The following ADAM18 variants were observed in gnomAD, a reference collection of about 807,000 sequenced individuals.
ADAM18 encodes the protein disintegrin and metalloproteinase domain-containing protein 18.
ADAM18 carries 117 observed loss-of-function variants against 94.4 expected under a neutral mutation model. The observed-to-expected ratio is 1.24, with a 90% CI of 1.07 to 1.45. ADAM18 has a LOEUF of 1.45. Among genes scored for constraint, ADAM18 ranks in the 40% most tolerant of loss-of-function variants. ADAM18 has a pLI of 0.00. For synonymous variants in ADAM18, 327 were observed against 291.6 expected, an observed-to-expected ratio of 1.12 and a Z score of -1.24; for missense variants, 936 against 880.0, an observed-to-expected ratio of 1.06 and a Z score of -0.81.
rs1210485577 is a variant in ADAM18 at position 39,663,814 on chromosome 8, G to C, written c.1250G>C (p.Cys417Ser). The change falls in exon 13 of 20, where the codon TGC becomes TCC. Residue 417 changes from cysteine to serine, a missense_variant. Transcript: ENST00000265707. ...TTTTAGGAATGTCAATTTAAGAAGT[G>C]CTGTGATTATAACACATGTAAACTG... ...GNKNECQFKK[C>S]CDYNTCKLKG... 1 of 1,611,908 alleles carries C rather than the reference G, an allele frequency of 6.2e-7. No individual in the cohort carries two copies.
rs71237188 is a variant in ADAM18 at position 39,701,117 on chromosome 8, C to CAAAAAAAAA, written c.1903-5649_1903-5641dup. Among the ~76,000 whole-genome samples the CAAAAAAAAA allele has an allele frequency of 1.3e-3, 46 of 34,562 alleles. 5 individuals carry two copies. Among genetic ancestry groups the CAAAAAAAAA allele is most frequent in the Admixed American group, 4.1e-3 (7 of 1,728 alleles). 22.7% of individuals were successfully genotyped at this position (34,562 alleles called of 152,430 possible). ...TGGGCGACAGAGCAAGACTCTGTCTCAAAAAAAAAAAAAAAAAAAAAAAAA... is the reference window on the plus strand; with the variant it reads ...TGGGCGACAGAGCAAGACTCTGTCTCAAAAAAAAAAAAAAAAAAAAAAAAAAAAAAAAAA... On this transcript the variant is annotated intron_variant, in intron 17 of 19. Transcript: ENST00000265707.
In ADAM18 at chr8:39,648,533, T is replaced by G. The variant is rs774406737; in HGVS notation, c.1230+6T>G. ...GTGACTGTGGTAATAAAAATGTGAGTAACAAAGATTGAAACTCGAGCACAA... is the reference window on the plus strand; with the variant it reads ...GTGACTGTGGTAATAAAAATGTGAGGAACAAAGATTGAAACTCGAGCACAA... On this transcript the variant is annotated splice_donor_region_variant and intron_variant, in intron 12 of 19. Transcript: ENST00000265707. 1 of 1,586,638 alleles carries G rather than the reference T, an allele frequency of 6.3e-7. No homozygotes were observed. Among genetic ancestry groups the G allele is most frequent in the Non-Finnish European group, 8.6e-7 (1 of 1,167,426 alleles).
intron 14 of ADAM18, among the ~76,000 whole-genome samples, chr8:39,673,363 C>A (rs1821208306): frequency 6.6e-6 from 1 of 152,110 alleles, no homozygotes; most frequent in African/African-American, 2.4e-5. Flanking sequence ...TACATGTGCA[C>A]AACGTGCAGG....
chr8:39,677,776 A>G (rs1033406850), intron 15 of ADAM18, among the ~76,000 whole-genome samples: 3 of 152,190 alleles, frequency 2.0e-5, no homozygotes, highest in African/African-American at 7.2e-5. Flanking sequence ...ATGGACACAC[A>G]CTGCCAGAAA....
chr8:39,628,709 T>C (rs951402926), intron 6 of ADAM18, among the ~76,000 whole-genome samples: 2 of 152,050 alleles, frequency 1.3e-5, no homozygotes, highest in African/African-American at 4.8e-5. Context: ...TTCAGCTTGT[T>C]AGAAATAAAG....
At chr8:39,639,359 G>A (rs1820173522) in intron 10 of ADAM18, among the ~76,000 whole-genome samples, 4 of 151,894 alleles carry the variant, frequency 2.6e-5, no homozygotes. Context: ...AACACAGTGT[G>A]TATTCTTCCC....
chr8:39,691,333 C>T (rs776981086), intron 16 of ADAM18, among the ~76,000 whole-genome samples: 11 of 151,982 alleles, frequency 7.2e-5, no homozygotes, highest in East Asian at 1.9e-4. Context: ...CCCATGTTAG[C>T]GAGAATGCAG....
chr8:39,673,800 C>T (rs1458899072), intron 14 of ADAM18, among the ~76,000 whole-genome samples: 1 of 152,178 alleles, frequency 6.6e-6, no homozygotes, highest in African/African-American at 2.4e-5. Context: ...TTAAATGTAT[C>T]CCAGAAATTC....
At chr8:39,676,651 C>T (rs1563302443) in intron 14 of ADAM18, among the ~76,000 whole-genome samples, 2 of 152,224 alleles carry the variant, frequency 1.3e-5, no homozygotes, top group Non-Finnish European at 2.9e-5. Context: ...ATGGGCTGTA[C>T]CCACTGTCCA....
intron 6 of ADAM18, among the ~76,000 whole-genome samples, chr8:39,623,109 T>A (rs1398857803): frequency 6.6e-6 from 1 of 152,184 alleles, no homozygotes; most frequent in Non-Finnish European, 1.5e-5. Context: ...TGAGAACATA[T>A]AGTATCTGTT....
intron 2 of ADAM18, among the ~76,000 whole-genome samples, chr8:39,594,560 T>A (rs775831926): frequency 2.4e-4 from 37 of 152,062 alleles, no homozygotes; most frequent in Non-Finnish European, 4.4e-4. Flanking sequence ...ATCTCTTCAT[T>A]TATGAAGGAT....
intron 11 of ADAM18, among the ~76,000 whole-genome samples, chr8:39,647,320 C>T (rs180932741): frequency 6.6e-5 from 10 of 151,938 alleles, no homozygotes; most frequent in Admixed American, 2.0e-4. Context: ...TGCACGTAGG[C>T]CAGATTTATG....
intron 10 of ADAM18, among the ~76,000 whole-genome samples, chr8:39,641,948 C>A (rs925372006): frequency 1.3e-5 from 2 of 152,102 alleles, no homozygotes; most frequent in African/African-American, 4.8e-5. Flanking sequence ...TTAGTAATAG[C>A]CACTCTTACT....
intron 6 of ADAM18, chr8:39,611,374 G>A (rs980374770): frequency 1.1e-6 from 1 of 924,484 alleles, no homozygotes; most frequent in Non-Finnish European, 1.3e-6. Context: ...GCACTTCTTG[G>A]GTCTGTAAAT....
chr8:39,615,712 A>G (rs1260171949), intron 6 of ADAM18, among the ~76,000 whole-genome samples: 1 of 152,152 alleles, frequency 6.6e-6, no homozygotes, highest in Non-Finnish European at 1.5e-5. Flanking sequence ...ACCTCACCAG[A>G]GCAATCACGT....
rs1355228827 is a variant in ADAM18 at position 39,609,042 on chromosome 8, A to G, written c.189A>G (p.Gln63=). The part of the protein sequence containing the change: ...GQPYTLHLGK[Q]SFLPQNFLVY... Reference sequence around the variant, plus strand: ...TTTTTATTATTTCTTGGTTTTTTAGATCATTCTTACCCCAGAACTTTTTGG... The same window carrying G: ...TTTTTATTATTTCTTGGTTTTTTAGGTCATTCTTACCCCAGAACTTTTTGG... The change falls in exon 4 of 20, where the codon CAA becomes CAG. Residue 63 remains glutamine, a splice_region_variant and synonymous_variant. Coordinates refer to ENST00000265707, the MANE Select transcript of ADAM18 (RefSeq NM_014237.3). 13 of 1,542,304 alleles carry G rather than the reference A, an allele frequency of 8.4e-6. No individual in the cohort carries two copies. The highest frequency in any genetic ancestry group is 1.1e-5 in the Non-Finnish European group (13 of 1,136,784).
intron 17 of ADAM18, among the ~76,000 whole-genome samples, chr8:39,696,463 C>A (rs183720657): frequency 6.6e-6 from 1 of 151,568 alleles, no homozygotes; most frequent in East Asian, 1.9e-4. Flanking sequence ...TGTCATGAAG[C>A]TTTTCCCTTA....
chr8:39,684,662 A>G (rs1336995952), intron 16 of ADAM18, among the ~76,000 whole-genome samples: 1 of 152,068 alleles, frequency 6.6e-6, no homozygotes, highest in South Asian at 2.1e-4. Context: ...TGCTGGCCTC[A>G]CTCTTGCTCC....
chr8:39,628,417 A>ATAGG (rs1047192539), intron 6 of ADAM18, among the ~76,000 whole-genome samples: 1 of 13,202 alleles, frequency 7.6e-5, no homozygotes, highest in African/African-American at 4.4e-4. Flanking sequence ...TGATAGATCA[A>ATAGG]TAGATAGATA....
Sources: gnomAD v4.1 joint callset for allele counts (sites outside exome capture counted in the v4.1 genomes callset) on GRCh38, gnomAD v4.1.1 for gene constraint, MANE v1.5 for transcripts, NCBI Gene and HGNC (gene_info 2026-07-23, HGNC 2026-07-21) for gene names.